Variants in DCAF5 observed in about 807,000 individuals in gnomAD.
The protein encoded by DCAF5 is DDB1 and CUL4 associated factor 5.
A neutral mutation model predicts 80.7 loss-of-function variants in DCAF5; 9 were observed. The ratio of observed to expected loss-of-function variants is 0.11; its 90% confidence interval spans 0.07 to 0.19. The LOEUF is 0.19. Among genes scored for constraint, DCAF5 ranks in the 10% least tolerant of loss-of-function variants. The pLI, the probability that DCAF5 is intolerant of heterozygous loss-of-function variation, is 1.00. For missense variants in DCAF5, 842 were observed against 1,205.7 expected (o/e 0.70, Z 4.47); for synonymous variants, 433 against 461.9 (o/e 0.94, Z 0.80).
At chr14:69,071,978 C>T (rs1217700260) in intron 7 of DCAF5, among the ~76,000 whole-genome samples, 1 of 152,092 alleles carries the variant, frequency 6.6e-6, no homozygotes, top group African/African-American at 2.4e-5. Context: ...CCCATATAAG[C>T]AGAAGTCTGG....
At chr14:69,122,449 CA>C in intron 1 of DCAF5, 89 bp from the exon 2 acceptor site, 1 of 1,394,524 alleles carries the variant, frequency 7.2e-7, no homozygotes, top group South Asian at 1.3e-5. Flanking sequence ...CCATCCTTTC[CA>C]AAACTGCACC....
At chr14:69,080,776 A>G (rs1206511065) in intron 6 of DCAF5, among the ~76,000 whole-genome samples, 1 of 152,208 alleles carries the variant, frequency 6.6e-6, no homozygotes, top group Non-Finnish European at 1.5e-5. Context: ...TCCTTTTATG[A>G]TGTATGACTT....
At chr14:69,120,779 G>A (rs1310732706) in intron 2 of DCAF5, among the ~76,000 whole-genome samples, 2 of 152,156 alleles carry the variant, frequency 1.3e-5, no homozygotes, top group Admixed American at 6.5e-5. Context: ...TAGGTCTTGG[G>A]TATATAAAAA....
intron 1 of DCAF5, among the ~76,000 whole-genome samples, chr14:69,131,341 T>C (rs1253275748): frequency 6.6e-6 from 1 of 152,086 alleles, no homozygotes; most frequent in Non-Finnish European, 1.5e-5. Flanking sequence ...CTTCAGTGAG[T>C]GTACTGTGTA....
At chr14:69,135,626 C>T (rs2041167737) in intron 1 of DCAF5, among the ~76,000 whole-genome samples, 1 of 152,036 alleles carries the variant, frequency 6.6e-6, no homozygotes, top group South Asian at 2.1e-4. Context: ...TAAGATGAGC[C>T]TGTCACCTCA....
At chr14:69,091,969 T>C in intron 5 of DCAF5, 82 bp from the exon 6 acceptor site, 1 of 1,160,054 alleles carries the variant, frequency 8.6e-7, no homozygotes, top group Non-Finnish European at 1.2e-6. Context: ...TATGACCTCC[T>C]GTCAAGCTTG....
At chr14:69,107,071 A>AAAAT (rs2040188723) in intron 5 of DCAF5, among the ~76,000 whole-genome samples, 2 of 151,968 alleles carry the variant, frequency 1.3e-5, no homozygotes, top group South Asian at 2.1e-4. Context: ...AAATAATTAA[A>AAAAT]TAAGAAAGTC....
At chr14:69,121,168 G>A (rs73278980) in intron 2 of DCAF5, among the ~76,000 whole-genome samples, 1 of 152,198 alleles carries the variant, frequency 6.6e-6, no homozygotes, top group Non-Finnish European at 1.5e-5. Flanking sequence ...GATAGATTGG[G>A]ATTTAGACTT....
Position 69,124,215 on chromosome 14 carries a change from A to C in DCAF5, c.215-1855T>G, listed in dbSNP as rs560544306. Among the ~76,000 whole-genome samples, 4 of 152,304 alleles carry C rather than the reference A, an allele frequency of 2.6e-5. No individual in the cohort carries two copies. The East Asian group carries it at 7.7e-4, about 29-fold the overall frequency. ...ATATATTTGTATGCATATTTTGTTT[A>C]TCCACTAATCCATCAATGACCATTT... On this transcript the variant is annotated intron_variant, in intron 1 of 8. Coordinates refer to ENST00000341516, the MANE Select transcript of DCAF5 (RefSeq NM_003861.3).
At chr14:69,147,411 A>T (rs960973560) in intron 1 of DCAF5, among the ~76,000 whole-genome samples, 1 of 152,188 alleles carries the variant, frequency 6.6e-6, no homozygotes, top group East Asian at 1.9e-4. Flanking sequence ...TGTGCTAAGA[A>T]TTTTACAAAT....
At chr14:69,069,241 G>C (rs1178702623) in intron 7 of DCAF5, among the ~76,000 whole-genome samples, 2 of 152,174 alleles carry the variant, frequency 1.3e-5, no homozygotes, top group East Asian at 3.8e-4. Context: ...CCTACTGCCA[G>C]TGGGGGTGGT....
At chr14:69,120,263 T>A (rs181690046) in intron 2 of DCAF5, among the ~76,000 whole-genome samples, 1,941 of 151,644 alleles carry the variant, frequency 0.013, 22 homozygotes, top group African/African-American at 0.018. Flanking sequence ...AAAAAAAAAA[T>A]TTTTTTTGTA....
intron 1 of DCAF5, among the ~76,000 whole-genome samples, chr14:69,138,522 T>C (rs1264664081): frequency 2.6e-5 from 4 of 152,146 alleles, no homozygotes; most frequent in African/African-American, 7.2e-5. Flanking sequence ...ACTGGCAGAG[T>C]AAGCCACTTA....
At chr14:69,145,152 G>C (rs560961847) in intron 1 of DCAF5, among the ~76,000 whole-genome samples, 1 of 151,948 alleles carries the variant, frequency 6.6e-6, no homozygotes, top group South Asian at 2.1e-4. Flanking sequence ...TGTGTAGCTG[G>C]GACTAAAGGT....
chr14:69,054,634 C>G lies in DCAF5; in HGVS notation c.2052G>C (p.Leu684Phe). The G allele has an allele frequency of 6.2e-7, 1 of 1,614,140 alleles. No homozygotes were observed. Among genetic ancestry groups the G allele is most frequent in the Non-Finnish European group, 8.5e-7 (1 of 1,179,992 alleles). ...TCCCTTCATCTGCCTCCCCGGTCAC[C>G]AAGGAGGTCTCTCCATCTTTGTTAT... ...YSNNKDGETS[L>F]VTGEADEGRA... Residue 684 changes from leucine (L) to phenylalanine (F), a missense_variant, in exon 9 of 9, where the codon TTG becomes TTC. Physicochemically the swap from Leu to Phe is conservative, Grantham distance 22. Coordinates refer to ENST00000341516, the MANE Select transcript of DCAF5 (RefSeq NM_003861.3).
chr14:69,122,199 T>C lies in DCAF5; in HGVS notation c.358+18A>G. 1 of 1,607,552 alleles carries C rather than the reference T, an allele frequency of 6.2e-7. No homozygotes were observed. The highest frequency in any genetic ancestry group is 8.5e-7 in the Non-Finnish European group (1 of 1,174,610). On this transcript the variant is annotated intron_variant, in intron 2 of 8. Transcript: ENST00000341516. ...CCCAACCACAGTGACGTTCCCAAGG[T>C]AGAATCTCCCTTTTTACCTCCAGAG...
In DCAF5 at chr14:69,136,314, C is replaced by T. The variant is rs150621988; in HGVS notation, c.215-13954G>A. Among the ~76,000 whole-genome samples the T allele has an allele frequency of 6.0e-3, 907 of 151,950 alleles. 10 individuals carry two copies. Among genetic ancestry groups the T allele is most frequent in the African/African-American group, 0.02 (844 of 41,440 alleles). On this transcript the variant is annotated intron_variant, in intron 1 of 8. Coordinates refer to ENST00000341516, the MANE Select transcript of DCAF5 (RefSeq NM_003861.3). ...TCTTTTTTGTAGAGACAGGGTCTTG[C>T]TATGTTGCCCAAGCTGGTCTTGAAC...
chr14:69,086,059 T>G (rs964683669), intron 6 of DCAF5, among the ~76,000 whole-genome samples: 2 of 152,114 alleles, frequency 1.3e-5, no homozygotes, highest in African/African-American at 4.8e-5. Flanking sequence ...GCTGGGAGCA[T>G]TAAAATATAA....
chr14:69,153,083 G>A lies in DCAF5; in HGVS notation c.-105C>T, dbSNP rs1595081190. On this transcript the variant is annotated 5_prime_UTR_variant, in exon 1 of 9. Transcript: ENST00000341516. ...CCTCCCCCCGCGCTGCGATCCGGAT[G>A]GTTCTTTAACCAGCCATGGCAGGCA... is the stretch of plus-strand genomic sequence containing the variant. 6.4e-6 allele frequency: 6 copies of A among 941,862 alleles called. No individual in the cohort carries two copies. Among genetic ancestry groups the A allele is most frequent in the Non-Finnish European group, 8.8e-6 (6 of 681,794 alleles). 58.3% of individuals were successfully genotyped at this position (941,862 alleles called of 1,614,324 possible). A position where few individuals can be genotyped will look rare whatever the true frequency, so the allele number is the denominator to read the frequency against.
Sources: allele counts gnomAD v4.1 joint callset (sites outside exome capture counted in the v4.1 genomes callset), GRCh38; gene constraint gnomAD v4.1.1; transcripts MANE v1.5; gene names NCBI Gene and HGNC (gene_info 2026-07-23, HGNC 2026-07-21).